Variants in LRRTM4 observed in about 807,000 individuals in gnomAD.
LRRTM4 encodes the protein leucine-rich repeat transmembrane neuronal protein 4.
In LRRTM4, 25 loss-of-function variants were observed where a neutral mutation model predicts 47.6. That is an observed-to-expected ratio of 0.53 (90% CI 0.38 to 0.73). The LOEUF is 0.73. Among genes scored for constraint, LRRTM4 ranks in the 30% least tolerant of loss-of-function variants. The probability of loss-of-function intolerance (pLI) is 0.00; values close to 1 mark genes in which losing one functional copy is unlikely to be tolerated. For synonymous variants in LRRTM4, 311 were observed against 269.5 expected (o/e 1.15, Z -1.51); for missense variants, 638 against 713.4 (o/e 0.89, Z 1.20).
At chr2:76,957,279 G>A (rs1339517795) in intron 3 of LRRTM4, among the ~76,000 whole-genome samples, 1 of 151,592 alleles carries the variant, frequency 6.6e-6, no homozygotes, top group Middle Eastern at 3.2e-3. Context: ...GAAAGTCATT[G>A]TTCAATGGGT....
Position 77,382,964 on chromosome 2 carries a change from T to C in LRRTM4, c.1551+135354A>G, listed in dbSNP as rs188478962. Among the ~76,000 whole-genome samples the C allele has an allele frequency of 5.1e-3, 778 of 152,148 alleles. 11 individuals are homozygous for C. The highest frequency in any genetic ancestry group is 0.017 in the African/African-American group (719 of 41,562). ...ATAATCTAGTCTGTTGCTAAGAAAA[T>C]ATGCAGATTCAGAGCTGCTGGCGTT... On this transcript the variant is annotated intron_variant, in intron 3 of 3. Coordinates refer to ENST00000409884, the MANE Select transcript of LRRTM4 (RefSeq NM_001134745.3).
chr2:77,339,537 A>G (rs1014978546), intron 3 of LRRTM4, among the ~76,000 whole-genome samples: 3 of 152,046 alleles, frequency 2.0e-5, no homozygotes, highest in Admixed American at 2.0e-4. Context: ...GTCGATTGAT[A>G]ATGCATATAT....
chr2:76,749,618 A>G (rs1672778586), intron 3 of LRRTM4, among the ~76,000 whole-genome samples: 1 of 152,178 alleles, frequency 6.6e-6, no homozygotes, highest in Non-Finnish European at 1.5e-5. Flanking sequence ...TTTTCAAGGT[A>G]ACAAGCCAAA....
At chr2:77,307,021 T>TC (rs1266418861) in intron 3 of LRRTM4, among the ~76,000 whole-genome samples, 1 of 148,692 alleles carries the variant, frequency 6.7e-6, no homozygotes, top group East Asian at 2.1e-4. Context: ...TGCCTCAGCC[T>TC]CCCGCGTAGC....
chr2:76,974,456 A>G (rs1366570702), intron 3 of LRRTM4, among the ~76,000 whole-genome samples: 1 of 151,126 alleles, frequency 6.6e-6, no homozygotes, highest in East Asian at 2.0e-4. Flanking sequence ...CATATGGAAC[A>G]TTTTATAATA....
At chr2:77,484,817 G>T (rs1023622188) in intron 3 of LRRTM4, among the ~76,000 whole-genome samples, 1 of 151,786 alleles carries the variant, frequency 6.6e-6, no homozygotes, top group Non-Finnish European at 1.5e-5. Context: ...GTTTTTAACA[G>T]TTAATAAAGA....
chr2:77,254,496 A>C (rs1431376453), intron 3 of LRRTM4, among the ~76,000 whole-genome samples: 4 of 151,938 alleles, frequency 2.6e-5, no homozygotes, highest in African/African-American at 7.2e-5. Flanking sequence ...AGAAGGAAGG[A>C]TGAAAAATAG....
chr2:76,897,320 C>G (rs755545143), intron 3 of LRRTM4, among the ~76,000 whole-genome samples: 20 of 152,062 alleles, frequency 1.3e-4, no homozygotes, highest in Non-Finnish European at 2.5e-4. Context: ...CCTGTGACAT[C>G]TCAAATTCTG....
At chr2:77,403,769 C>T (rs1388848264) in intron 3 of LRRTM4, among the ~76,000 whole-genome samples, 1 of 151,456 alleles carries the variant, frequency 6.6e-6, no homozygotes, top group Non-Finnish European at 1.5e-5. Flanking sequence ...TGACCCTAGC[C>T]CCGACTCTAC....
chr2:76,823,257 A>T (rs941429449), intron 3 of LRRTM4, among the ~76,000 whole-genome samples: 1 of 151,332 alleles, frequency 6.6e-6, no homozygotes, highest in Non-Finnish European at 1.5e-5. Context: ...ACAAAGAATA[A>T]AATTAGCAAT....
chr2:76,752,303 C>T (rs911883181), intron 3 of LRRTM4, among the ~76,000 whole-genome samples: 3 of 152,090 alleles, frequency 2.0e-5, no homozygotes, highest in African/African-American at 2.4e-5. Context: ...AATTTCATAG[C>T]TAAGAAATCA....
intron 3 of LRRTM4, among the ~76,000 whole-genome samples, chr2:76,785,119 T>C (rs1674604003): frequency 6.6e-6 from 1 of 152,132 alleles, no homozygotes; most frequent in Non-Finnish European, 1.5e-5. Context: ...GCTACACCGA[T>C]CTTGAAGAAG....
intron 3 of LRRTM4, among the ~76,000 whole-genome samples, chr2:76,797,645 G>C (rs1295623221): frequency 1.3e-5 from 2 of 151,316 alleles, no homozygotes; most frequent in Non-Finnish European, 2.9e-5. Context: ...TGGACTAAAT[G>C]CTCCAATTAA....
intron 3 of LRRTM4, among the ~76,000 whole-genome samples, chr2:77,510,154 AT>A (rs1405045162): frequency 1.3e-5 from 2 of 152,210 alleles, no homozygotes; most frequent in Non-Finnish European, 1.5e-5. Flanking sequence ...TAATAGTGAA[AT>A]GAATGCATCA....
chr2:76,967,757 T>G (rs529329234), intron 3 of LRRTM4, among the ~76,000 whole-genome samples: 1 of 151,804 alleles, frequency 6.6e-6, no homozygotes, highest in South Asian at 2.1e-4. Context: ...CAGATTTCAT[T>G]TATTTTTCTT....
chr2:77,479,494 C>T (rs556440738), intron 3 of LRRTM4, among the ~76,000 whole-genome samples: 2 of 152,280 alleles, frequency 1.3e-5, no homozygotes, highest in South Asian at 2.1e-4. Context: ...CAGTGTGCAC[C>T]GTAGCAGGAT....
chr2:77,038,881 G>C (rs1396223254), intron 3 of LRRTM4, among the ~76,000 whole-genome samples: 1 of 151,322 alleles, frequency 6.6e-6, no homozygotes, highest in African/African-American at 2.4e-5. Context: ...GACAAAAAAT[G>C]TATGAGTTTA....
intron 3 of LRRTM4, among the ~76,000 whole-genome samples, chr2:77,292,318 A>C (rs1676848003): frequency 1.3e-5 from 2 of 151,230 alleles, no homozygotes; most frequent in South Asian, 4.2e-4. Context: ...AACTAGAAAT[A>C]CCATTTGACC....
intron 3 of LRRTM4, among the ~76,000 whole-genome samples, chr2:77,042,671 T>C (rs1679076786): frequency 7.0e-6 from 1 of 141,886 alleles, no homozygotes; most frequent in Non-Finnish European, 1.5e-5. Context: ...ATTCTTATGA[T>C]GATAAGTAAA....
Sources: allele counts gnomAD v4.1 joint callset (sites outside exome capture counted in the v4.1 genomes callset), GRCh38; gene constraint gnomAD v4.1.1; transcripts MANE v1.5; gene names NCBI Gene and HGNC (gene_info 2026-07-23, HGNC 2026-07-21).